AGBL4: variants seen among roughly 807,000 people sequenced by gnomAD.
AGBL4 encodes the protein AGBL carboxypeptidase 4.
In AGBL4, 58 loss-of-function variants were observed where a neutral mutation model predicts 66.4. The ratio of observed to expected loss-of-function variants is 0.87; its 90% confidence interval spans 0.71 to 1.09. The LOEUF (loss-of-function observed/expected upper bound fraction) is 1.09, where lower values mean the gene tolerates loss of function less well. Ranked by LOEUF, AGBL4 falls within the 50% of genes least tolerant of loss-of-function variation. AGBL4 has a pLI of 0.00. For synonymous variants in AGBL4, 234 were observed against 222.9 expected, an observed-to-expected ratio of 1.05 and a Z score of -0.44; for missense variants, 579 against 631.0, an observed-to-expected ratio of 0.92 and a Z score of 0.88.
intron 5 of AGBL4, among the ~76,000 whole-genome samples, chr1:48,929,305 C>T (rs1654843609): frequency 1.3e-5 from 2 of 152,144 alleles, no homozygotes; most frequent in South Asian, 4.1e-4. Context: ...GTCTCATCCT[C>T]CCCTCAATAT....
intron 5 of AGBL4, among the ~76,000 whole-genome samples, chr1:48,892,754 C>T (rs1475903482): frequency 6.6e-6 from 1 of 152,180 alleles, no homozygotes; most frequent in African/African-American, 2.4e-5. Flanking sequence ...TTGCCCTAAG[C>T]AGTTCCCAGC....
chr1:48,921,762 A>T (rs751019999), intron 5 of AGBL4, among the ~76,000 whole-genome samples: 2 of 152,204 alleles, frequency 1.3e-5, no homozygotes, highest in South Asian at 2.1e-4. Context: ...TGCAGCTTAT[A>T]CATAATGGTA....
intron 5 of AGBL4, among the ~76,000 whole-genome samples, chr1:48,965,775 C>A (rs901684956): frequency 6.6e-6 from 1 of 152,116 alleles, no homozygotes; most frequent in Non-Finnish European, 1.5e-5. Context: ...GCCTGCTATA[C>A]CCACAAATAT....
At chr1:49,587,467 T>C (rs533581607) in intron 3 of AGBL4, among the ~76,000 whole-genome samples, 127 of 152,302 alleles carry the variant, frequency 8.3e-4, no homozygotes, top group African/African-American at 2.9e-3. Context: ...ACTGGTTTTA[T>C]TCACCTCTGT....
chr1:49,156,666 G>T (rs1646436230), intron 4 of AGBL4, among the ~76,000 whole-genome samples: 2 of 152,136 alleles, frequency 1.3e-5, no homozygotes, highest in Admixed American at 6.6e-5. Context: ...GGAAAAAAGA[G>T]AGTGAGTGCA....
intron 3 of AGBL4, among the ~76,000 whole-genome samples, chr1:49,403,725 A>T (rs1645137427): frequency 1.3e-5 from 2 of 152,154 alleles, no homozygotes; most frequent in African/African-American, 4.8e-5. Flanking sequence ...TTTGTATCCA[A>T]AACTGTTCAA....
At chr1:49,218,675 C>G (rs1334019427) in intron 4 of AGBL4, among the ~76,000 whole-genome samples, 1 of 152,094 alleles carries the variant, frequency 6.6e-6, no homozygotes, top group African/African-American at 2.4e-5. Flanking sequence ...TTAAGTTTAA[C>G]TGTCTCACTA....
intron 9 of AGBL4, among the ~76,000 whole-genome samples, chr1:48,629,173 G>A (rs576257873): frequency 6.6e-6 from 1 of 152,204 alleles, no homozygotes; most frequent in East Asian, 1.9e-4. Context: ...GATGGTCCTG[G>A]GAAGCCCATT....
chr1:49,569,910 T>G (rs934822140), intron 3 of AGBL4, among the ~76,000 whole-genome samples: 1 of 152,146 alleles, frequency 6.6e-6, no homozygotes, highest in South Asian at 2.1e-4. Context: ...GCAAAAGACA[T>G]GATTTCATTC....
At chr1:49,000,343 T>C (rs1343426) in intron 5 of AGBL4, among the ~76,000 whole-genome samples, 15,884 of 152,138 alleles carry the variant, frequency 0.1, 1,334 homozygotes, top group African/African-American at 0.22. Context: ...TGTATATGAC[T>C]GCACATGTCA....
At chr1:48,851,959 G>T (rs1216408574) in intron 6 of AGBL4, among the ~76,000 whole-genome samples, 3 of 144,024 alleles carry the variant, frequency 2.1e-5, no homozygotes, top group Non-Finnish European at 4.5e-5. Context: ...CCTCAGAGAA[G>T]AACTTCCCAT....
intron 5 of AGBL4, among the ~76,000 whole-genome samples, chr1:49,021,310 T>A (rs3920607): frequency 0.67 from 100,693 of 151,384 alleles, 33,948 homozygotes; most frequent in African/African-American, 0.72. Flanking sequence ...ATCACATGAA[T>A]TAAGATAAAA....
chr1:49,935,165 C>T (rs569989866), intron 1 of AGBL4, among the ~76,000 whole-genome samples: 19 of 152,344 alleles, frequency 1.2e-4, no homozygotes, highest in African/African-American at 1.7e-4. Context: ...TAAAAAACGG[C>T]GCTCCAGGAG....
chr1:49,737,137 G>T (rs1363522648), intron 2 of AGBL4, among the ~76,000 whole-genome samples: 2 of 152,038 alleles, frequency 1.3e-5, no homozygotes, highest in Non-Finnish European at 1.5e-5. Context: ...ATTTCTCAAA[G>T]AATTTAAAAA....
At chr1:49,798,516 A>C (rs1338166773) in intron 2 of AGBL4, among the ~76,000 whole-genome samples, 3 of 152,204 alleles carry the variant, frequency 2.0e-5, no homozygotes, top group African/African-American at 2.4e-5. Flanking sequence ...TTAAAGATAA[A>C]ACATAAAATG....
At chr1:48,921,253 T>C (rs997154487) in intron 5 of AGBL4, among the ~76,000 whole-genome samples, 2 of 152,182 alleles carry the variant, frequency 1.3e-5, no homozygotes, top group African/African-American at 4.8e-5. Flanking sequence ...CAGGGAGCTA[T>C]GTGGCAAAAC....
At chr1:49,611,994 G>GA (rs1358164543) in intron 3 of AGBL4, among the ~76,000 whole-genome samples, 2 of 152,068 alleles carry the variant, frequency 1.3e-5, no homozygotes, top group Admixed American at 6.6e-5. Flanking sequence ...AAAGATGCCA[G>GA]AAAAAAATAT....
intron 1 of AGBL4, among the ~76,000 whole-genome samples, chr1:49,970,775 G>A (rs1421387387): frequency 1.4e-5 from 2 of 145,016 alleles, no homozygotes; most frequent in Non-Finnish European, 1.5e-5. Flanking sequence ...AAAACAGAAC[G>A]GTGCCCAACA....
chr1:49,554,141 C>T (rs533943929), intron 3 of AGBL4, among the ~76,000 whole-genome samples: 1 of 152,178 alleles, frequency 6.6e-6, no homozygotes, highest in South Asian at 2.1e-4. Flanking sequence ...TAGAAACACA[C>T]ACACACACAC....
Sources: gnomAD v4.1 joint callset for allele counts (sites outside exome capture counted in the v4.1 genomes callset) on GRCh38, gnomAD v4.1.1 for gene constraint, MANE v1.5 for transcripts, NCBI Gene and HGNC (gene_info 2026-07-23, HGNC 2026-07-21) for gene names.